The following POFUT3 variants were observed in gnomAD, a reference collection of about 807,000 sequenced individuals.
The protein encoded by POFUT3 is GDP-fucose protein O-fucosyltransferase 3.
chr8:33,441,506 G>C, the POFUT3 span, among the ~76,000 whole-genome samples: 1 of 150,644 alleles, frequency 6.6e-6, no homozygotes, highest in African/African-American at 2.4e-5. Context: ...TCAGCCTCTG[G>C]AATAACCAGG....
the POFUT3 span, among the ~76,000 whole-genome samples, chr8:33,321,826 C>T: frequency 6.6e-6 from 1 of 152,254 alleles, no homozygotes; most frequent in South Asian, 2.1e-4. Context: ...AATGTCACTT[C>T]CTCGGGGCAG....
chr8:33,458,587 G>T, the POFUT3 span, among the ~76,000 whole-genome samples: 1 of 151,882 alleles, frequency 6.6e-6, no homozygotes, highest in Non-Finnish European at 1.5e-5. Flanking sequence ...GTGGTGGCAG[G>T]CACCTGTAAT....
the POFUT3 span, among the ~76,000 whole-genome samples, chr8:33,339,491 A>G: frequency 1.3e-5 from 2 of 152,212 alleles, no homozygotes; most frequent in African/African-American, 4.8e-5. Context: ...AGGAAACAAG[A>G]AAGAAAATGG....
chr8:33,466,964 G>A, the POFUT3 span, among the ~76,000 whole-genome samples: 1,430 of 152,208 alleles, frequency 9.4e-3, 22 homozygotes, highest in African/African-American at 0.032. Context: ...AATTAGCCGG[G>A]TGTGGTGGCA....
the POFUT3 span, among the ~76,000 whole-genome samples, chr8:33,399,137 A>G: frequency 6.6e-6 from 1 of 152,222 alleles, no homozygotes. Flanking sequence ...CTTTAATGCC[A>G]GCATATAGCC....
At chr8:33,342,925 G>A in the POFUT3 span, among the ~76,000 whole-genome samples, 1 of 152,040 alleles carries the variant, frequency 6.6e-6, no homozygotes, top group East Asian at 1.9e-4. Flanking sequence ...GGCCAACACG[G>A]TGAAACTCCA....
the POFUT3 span, among the ~76,000 whole-genome samples, chr8:33,437,050 T>C: frequency 6.6e-6 from 1 of 152,218 alleles, no homozygotes; most frequent in Non-Finnish European, 1.5e-5. Flanking sequence ...CTTAGGATAA[T>C]GGCCTCCAGC....
the POFUT3 span, among the ~76,000 whole-genome samples, chr8:33,330,980 G>C: frequency 6.6e-6 from 1 of 152,228 alleles, no homozygotes; most frequent in Admixed American, 6.5e-5. Flanking sequence ...TCCTAGAACA[G>C]TAGGAAGTAG....
At chr8:33,347,237 G>C in the POFUT3 span, among the ~76,000 whole-genome samples, 2 of 152,138 alleles carry the variant, frequency 1.3e-5, no homozygotes, top group Non-Finnish European at 2.9e-5. Context: ...TTTTCTGGAA[G>C]TGTTAATGAA....
chr8:33,400,590 G>A, the POFUT3 span, among the ~76,000 whole-genome samples: 1 of 152,008 alleles, frequency 6.6e-6, no homozygotes, highest in African/African-American at 2.4e-5. Flanking sequence ...ATGATACAAG[G>A]CTTTCTTATA....
chr8:33,312,819 C>T, the POFUT3 span, among the ~76,000 whole-genome samples: 2 of 152,134 alleles, frequency 1.3e-5, no homozygotes, highest in Admixed American at 6.6e-5. Context: ...AGTCTAGAAA[C>T]AGCCATCTAA....
At chr8:33,443,551 G>T in the POFUT3 span, among the ~76,000 whole-genome samples, 1 of 152,080 alleles carries the variant, frequency 6.6e-6, no homozygotes, top group Non-Finnish European at 1.5e-5. Flanking sequence ...GGAGTGTAGT[G>T]GCACGATCTT....
the POFUT3 span, among the ~76,000 whole-genome samples, chr8:33,404,089 G>A: frequency 1.3e-5 from 2 of 152,142 alleles, no homozygotes; most frequent in African/African-American, 4.8e-5. Context: ...TGTAATCCTA[G>A]CACTTTGGGA....
At chr8:33,388,715 G>A in the POFUT3 span, among the ~76,000 whole-genome samples, 1 of 152,072 alleles carries the variant, frequency 6.6e-6, no homozygotes, top group Admixed American at 6.5e-5. Flanking sequence ...CCTGCAGCAC[G>A]GGATCCCCCA....
At chr8:33,319,670 A>G in the POFUT3 span, among the ~76,000 whole-genome samples, 1 of 49,850 alleles carries the variant, frequency 2.0e-5, no homozygotes, top group Non-Finnish European at 3.5e-5. Context: ...TATATTTTAT[A>G]TATATTTATA....
At chr8:33,468,920 C>T in the POFUT3 span, among the ~76,000 whole-genome samples, 1 of 152,146 alleles carries the variant, frequency 6.6e-6, no homozygotes, top group Non-Finnish European at 1.5e-5. Flanking sequence ...TGGGAGTCAA[C>T]TGGGTTAATA....
chr8:33,446,255 G>A, the POFUT3 span, among the ~76,000 whole-genome samples: 1 of 151,972 alleles, frequency 6.6e-6, no homozygotes, highest in African/African-American at 2.4e-5. Context: ...TCAGGAATTC[G>A]AGACCAGCCT....
At chr8:33,380,014 A>AGTATATATATAGTAT in the POFUT3 span, among the ~76,000 whole-genome samples, 2 of 69,008 alleles carry the variant, frequency 2.9e-5, 1 homozygote, top group African/African-American at 1.4e-4. Flanking sequence ...CTATATATAT[A>AGTATATATATAGTAT]GTATATATAT....
the POFUT3 span, among the ~76,000 whole-genome samples, chr8:33,312,517 G>C: frequency 6.6e-6 from 1 of 151,992 alleles, no homozygotes; most frequent in Admixed American, 6.6e-5. Context: ...ATGCAACTAT[G>C]ATGAGTTAGT....
Sources: allele counts gnomAD v4.1 joint callset (sites outside exome capture counted in the v4.1 genomes callset), GRCh38; gene constraint gnomAD v4.1.1; transcripts MANE v1.5; gene names NCBI Gene and HGNC (gene_info 2026-07-23, HGNC 2026-07-21).